The following PTPRN2 variants were observed in gnomAD, a reference collection of about 807,000 sequenced individuals.
The protein encoded by PTPRN2 is protein tyrosine phosphatase receptor type N2.
Under a neutral mutation model 118.8 loss-of-function variants are expected in PTPRN2, and 74 were observed. That is an observed-to-expected ratio of 0.62 (90% confidence interval 0.52 to 0.76). The LOEUF is 0.76. PTPRN2 is among the 30% of genes least tolerant of loss of function. The probability of loss-of-function intolerance (pLI) is 0.00; values close to 1 mark genes in which losing one functional copy is unlikely to be tolerated. For synonymous variants in PTPRN2, 641 were observed against 608.0 expected, an observed-to-expected ratio of 1.05 and a Z score of -0.80; for missense variants, 1,481 against 1,394.4, an observed-to-expected ratio of 1.06 and a Z score of -0.99.
chr7:158,299,358 C>T (rs1309732806), intron 3 of PTPRN2, among the ~76,000 whole-genome samples: 1 of 150,458 alleles, frequency 6.6e-6, no homozygotes, highest in Non-Finnish European at 1.5e-5. Flanking sequence ...AGTGCAATGG[C>T]ATGGTCTTGG....
chr7:158,174,322 C>T lies in PTPRN2; in HGVS notation c.550-7031G>A, dbSNP rs570917959. Among the ~76,000 whole-genome samples, 28 of 152,260 alleles carry T rather than the reference C, an allele frequency of 1.8e-4. No homozygotes were observed. The South Asian group carries it at 5.8e-3, about 32-fold the overall frequency. On this transcript the variant is annotated intron_variant, in intron 5 of 22. Transcript: ENST00000389418. ...CCACTATCTCCACCATCAACAGCAG[C>T]ATCCCCACCACCATCATCTTCACCA...
intron 1 of PTPRN2, among the ~76,000 whole-genome samples, chr7:158,510,794 G>A (rs1422823042): frequency 6.6e-6 from 1 of 152,210 alleles, no homozygotes; most frequent in Non-Finnish European, 1.5e-5. Context: ...CAGGTCGGAT[G>A]TGAATGTAAA....
intron 10 of PTPRN2, 107 bp downstream of exon 10, chr7:158,110,722 C>T (rs2150368144): frequency 9.7e-7 from 1 of 1,036,154 alleles, no homozygotes; most frequent in Non-Finnish European, 1.4e-6. Flanking sequence ...AAACAGGTTC[C>T]CTCATGTAAT....
chr7:157,739,338 G>A (rs1051274546), intron 12 of PTPRN2: 10 of 152,252 alleles, frequency 6.6e-5, no homozygotes, highest in African/African-American at 2.2e-4. Context: ...AGGGAAACTG[G>A]TAAAATGCCT....
At chr7:158,461,741 A>G (rs2129443061) in intron 2 of PTPRN2, among the ~76,000 whole-genome samples, 1 of 152,334 alleles carries the variant, frequency 6.6e-6, no homozygotes, top group South Asian at 2.1e-4. Context: ...GGCTGACTGC[A>G]CTGTTCCCTG....
intron 14 of PTPRN2, among the ~76,000 whole-genome samples, chr7:157,649,482 T>C (rs1302944394): frequency 4.8e-5 from 7 of 144,416 alleles, no homozygotes; most frequent in Non-Finnish European, 9.2e-5. Context: ...ACTCGGTGGG[T>C]CGGACCCATC....
Position 158,310,173 on chromosome 7 carries a change from T to A in PTPRN2, c.277+6646A>T, listed in dbSNP as rs144675657. ...AAGTAGCAGCACGGCTGTGACAAAT[T>A]CCTAAAAATGCAGAAGCAACTTTGG... is the stretch of plus-strand genomic sequence containing the variant. On this transcript the variant is annotated intron_variant, in intron 3 of 22. Transcript: ENST00000389418. 7.7e-3 allele frequency among the ~76,000 whole-genome samples: 1,172 copies of A among 152,288 alleles called. 22 individuals carry two copies. Among genetic ancestry groups the A allele is most frequent in the African/African-American group, 0.026 (1,087 of 41,554 alleles).
chr7:158,441,207 GTGGTGGTGATGGTGA>G (rs1161302386), intron 2 of PTPRN2, among the ~76,000 whole-genome samples: 2 of 144,516 alleles, frequency 1.4e-5, no homozygotes, highest in East Asian at 4.2e-4. Context: ...GGTGATGGTG[GTGGTGGTGATGGTGA>G]TAGTAATGGT....
chr7:157,800,666 A>ATACCTGCC (rs1358728327), intron 12 of PTPRN2, among the ~76,000 whole-genome samples: 1 of 152,150 alleles, frequency 6.6e-6, no homozygotes, highest in African/African-American at 2.4e-5. Flanking sequence ...TAAAATATGA[A>ATACCTGCC]TACCTGCCGG....
rs1467670254 is a variant in PTPRN2, at chr7:157,845,782, T to C, written c.1788+52891A>G. ...CGGCAGCAAGGACACAGCAGGGCCA[T>C]GGGCAGAGGAAGGACAAGCAACGTG... On this transcript the variant is annotated intron_variant, in intron 12 of 22. Transcript: ENST00000389418. The surrounding 1 kb of genome is among the most constrained non-coding windows in gnomAD (Gnocchi z 4.5). 2.0e-5 allele frequency among the ~76,000 whole-genome samples: 3 copies of C among 151,862 alleles called. No homozygotes were observed. Among genetic ancestry groups the C allele is most frequent in the Non-Finnish European group, 4.4e-5 (3 of 67,996 alleles).
intron 1 of PTPRN2, among the ~76,000 whole-genome samples, chr7:158,579,921 T>A (rs751094563): frequency 6.6e-6 from 1 of 152,350 alleles, no homozygotes; most frequent in Middle Eastern, 3.4e-3. Context: ...CCACAGCAGC[T>A]CTAACCACAG....
rs574120004 is a variant in PTPRN2, at chr7:158,225,600, C to A, written c.278-20327G>T. 1.4e-4 allele frequency among the ~76,000 whole-genome samples: 22 copies of A among 152,250 alleles called. No homozygotes were observed. The South Asian group carries it at 4.6e-3, about 32-fold the overall frequency. ...CAAGTTTGCAGTCTAGTGTGGAATG[C>A]AGGTACGTAATTAGCTAAGATCCAA... On this transcript the variant is annotated intron_variant, in intron 3 of 22. Coordinates refer to ENST00000389418, the MANE Select transcript of PTPRN2 (RefSeq NM_002847.5).
chr7:157,842,067 C>G (rs369704900), intron 12 of PTPRN2, among the ~76,000 whole-genome samples: 1 of 152,184 alleles, frequency 6.6e-6, no homozygotes, highest in Non-Finnish European at 1.5e-5. Context: ...GCTTCCCTTT[C>G]GGGGAGGCCT....
At chr7:158,171,276 CACACATATAT>C (rs1563555350) in intron 5 of PTPRN2, among the ~76,000 whole-genome samples, 17 of 60,434 alleles carry the variant, frequency 2.8e-4, no homozygotes, top group African/African-American at 1.1e-3. Flanking sequence ...CACATATATA[CACACATATAT>C]ATACACACAT....
intron 12 of PTPRN2, among the ~76,000 whole-genome samples, chr7:157,685,096 G>A (rs887190204): frequency 1.3e-4 from 20 of 151,896 alleles, no homozygotes; most frequent in African/African-American, 1.7e-4. Context: ...CTCGCCTCTC[G>A]CCTCCCGCGG....
At chr7:157,631,514 C>A (rs887651743) in intron 14 of PTPRN2, among the ~76,000 whole-genome samples, 7 of 151,538 alleles carry the variant, frequency 4.6e-5, no homozygotes, top group Non-Finnish European at 7.4e-5. Context: ...CTGGCTAACA[C>A]GGTGAAACCC....
intron 2 of PTPRN2, among the ~76,000 whole-genome samples, chr7:158,423,998 C>T (rs1187427017): frequency 6.6e-6 from 1 of 152,128 alleles, no homozygotes; most frequent in Non-Finnish European, 1.5e-5. Flanking sequence ...CTTTTTTAGA[C>T]GAGAAAGATT....
At chr7:158,162,963 G>A (rs1822500722) in intron 6 of PTPRN2, among the ~76,000 whole-genome samples, 1 of 152,172 alleles carries the variant, frequency 6.6e-6, no homozygotes, top group Non-Finnish European at 1.5e-5. Context: ...GAAGTTTTCT[G>A]TTCCCTGGCA....
At chr7:158,332,582 C>A (rs1804709069) in intron 2 of PTPRN2, among the ~76,000 whole-genome samples, 1 of 151,858 alleles carries the variant, frequency 6.6e-6, no homozygotes, top group Non-Finnish European at 1.5e-5. Context: ...ACGTCACTCA[C>A]ACCCACACTC....
Sources: allele counts gnomAD v4.1 joint callset (sites outside exome capture counted in the v4.1 genomes callset), GRCh38; gene constraint gnomAD v4.1.1; non-coding constraint Gnocchi (gnomAD v3.1); transcripts MANE v1.5; gene names NCBI Gene and HGNC (gene_info 2026-07-23, HGNC 2026-07-21).